CEP131: variants seen among roughly 807,000 people sequenced by gnomAD.
CEP131 encodes the protein centrosomal protein 131, also known as centrosomal protein of 131 kDa.
CEP131 carries 99 observed loss-of-function variants against 136.8 expected under a neutral mutation model. That is an observed-to-expected ratio of 0.72 (90% CI 0.62 to 0.86). The LOEUF (loss-of-function observed/expected upper bound fraction) is 0.86, where lower values mean the gene tolerates loss of function less well. Among genes scored for constraint, CEP131 ranks in the 40% least tolerant of loss-of-function variants. CEP131 has a pLI of 0.00. For missense variants in CEP131, 1,459 were observed against 1,463.0 expected (o/e 1.00, Z 0.04); for synonymous variants, 646 against 612.7 (o/e 1.05, Z -0.80).
intron 19 of CEP131, 62 bp downstream of exon 19, chr17:81,192,674 G>T: frequency 5.3e-6 from 7 of 1,329,036 alleles, no homozygotes; most frequent in East Asian, 4.9e-5. Flanking sequence ...GTGAGGGGGC[G>T]GGGGGGAGGG....
rs62075318 is a variant in CEP131 at position 81,208,978 on chromosome 17, T to C, written c.222A>G (p.Arg74=). ...TGACCTGCGTGGTGCTGTTGGATCT[T>C]CTAAGGTTGTTGATGGCCTGGGAGC... ...PGGSQAINNL[R]RSNSTTQVSQ... Residue 74 remains arginine (R), a synonymous_variant, in exon 3 of 26, where the codon AGA becomes AGG. Coordinates refer to ENST00000450824, the MANE Select transcript of CEP131 (RefSeq NM_014984.4). This position sits in a 1 kb window ranked among gnomAD's most constrained non-coding sequence, Gnocchi z 5.6. 0.46 allele frequency: 742,739 copies of C among 1,612,972 alleles called. 179,919 individuals carry two copies. Among genetic ancestry groups the C allele is most frequent in the Admixed American group, 0.65 (38,683 of 59,946 alleles).
chr17:81,195,678 C>T (rs1040918495), intron 16 of CEP131, among the ~76,000 whole-genome samples, 157 bp downstream of exon 16: 3 of 152,164 alleles, frequency 2.0e-5, no homozygotes, highest in African/African-American at 2.4e-5. Context: ...CTCGGTGCCA[C>T]GGTGCTCCCC....
intron 11 of CEP131, 128 bp from the exon 12 acceptor site, chr17:81,198,425 G>T: frequency 2.0e-6 from 2 of 1,003,434 alleles, no homozygotes; most frequent in Non-Finnish European, 2.9e-6. Context: ...TCAGCCCCAG[G>T]AAGGTGAGGC....
At chr17:81,193,282 G>A (rs35906052) in intron 18 of CEP131, among the ~76,000 whole-genome samples, 3,768 of 152,318 alleles carry the variant, frequency 0.025, 68 homozygotes, top group Middle Eastern at 0.051. Flanking sequence ...CTCGCGCCAG[G>A]GCCTCGTCCT....
In CEP131 at chr17:81,194,073, C is replaced by A. The variant is rs148653755; in HGVS notation, c.2174G>T (p.Arg725Met). Residue 725 changes from arginine to methionine, a missense_variant, in exon 18 of 26, where the codon AGG (arginine) becomes ATG (methionine). Around this residue, in one of 3 missense-constraint regions of CEP131, gnomAD observed 1,026 missense variants for 964.2 expected, o/e 1.06. Transcript: ENST00000450824. ...CTCCGCCTCGTGCAGGCTCTTGAGC[C>A]TCCGCACTTCCTGCTTGTGCCTTGC... is the stretch of plus-strand genomic sequence containing the variant. ...LIARHKQEVR[R>M]LKSLHEAELL... 1.3e-3 allele frequency: 2,096 copies of A among 1,580,678 alleles called. 6 individuals are homozygous for A. The highest frequency in any genetic ancestry group is 1.4e-3 in the Non-Finnish European group (1,651 of 1,164,196).
intron 3 of CEP131, 37 bp from the exon 4 acceptor site, chr17:81,207,276 C>T (rs1339993721): frequency 1.3e-6 from 2 of 1,599,142 alleles, no homozygotes; most frequent in Non-Finnish European, 1.7e-6. Context: ...AGGAAAGAGT[C>T]ACCAGCCGGG....
intron 2 of CEP131, among the ~76,000 whole-genome samples, chr17:81,218,585 C>T (rs1037167312): frequency 2.6e-5 from 4 of 152,276 alleles, no homozygotes; most frequent in African/African-American, 7.2e-5. Context: ...AGGCGTACCA[C>T]ATCTTTAGAC....
rs1484982041 is a variant in CEP131, at chr17:81,200,396, C to G, written c.839G>C (p.Arg280Pro). Residue 280 changes from arginine (R) to proline (P), a missense_variant, in exon 8 of 26, where the codon CGG (arginine) becomes CCG (proline). This residue lies in a region of CEP131 where 246 missense variants were observed against 318.9 expected (regional missense o/e 0.77). Coordinates refer to ENST00000450824, the MANE Select transcript of CEP131 (RefSeq NM_014984.4). ...QATVTIQRWY[R>P]HQVQRRGAGA... ...TGCTCCGCGCCGCTGCACCTGGTGC[C>G]GGTACCAGCGCTGGATGGTGACAGT... is the stretch of plus-strand genomic sequence containing the variant. 2 of 1,563,236 alleles carry G rather than the reference C, an allele frequency of 1.3e-6. No individual in the cohort carries two copies. Among genetic ancestry groups the G allele is most frequent in the African/African-American group, 1.4e-5 (1 of 73,540 alleles).
chr17:81,195,433 C>T (rs139995130), intron 16 of CEP131, among the ~76,000 whole-genome samples: 15 of 152,346 alleles, frequency 9.8e-5, no homozygotes, highest in South Asian at 2.1e-4. Flanking sequence ...GCTGAGGCCC[C>T]CAGGGAGCTC....
chr17:81,196,184 A>G (rs2061751424), intron 15 of CEP131, among the ~76,000 whole-genome samples: 1 of 152,164 alleles, frequency 6.6e-6, no homozygotes, highest in African/African-American at 2.4e-5. Context: ...CGAATGTCAG[A>G]GAAGCCCCAG....
intron 5 of CEP131, among the ~76,000 whole-genome samples, 168 bp downstream of exon 5, chr17:81,206,576 C>A (rs2062012653): frequency 6.6e-6 from 1 of 152,266 alleles, no homozygotes; most frequent in Non-Finnish European, 1.5e-5. Flanking sequence ...CGCCACCTGG[C>A]AGCCTCCTGC....
chr17:81,198,041 C>A (rs1000534539), intron 12 of CEP131, 74 bp downstream of exon 12: 1 of 1,485,434 alleles, frequency 6.7e-7, no homozygotes. Context: ...TTCCCAACCC[C>A]CACAGCCACC....
chr17:81,218,682 C>T (rs1183205468), intron 2 of CEP131, among the ~76,000 whole-genome samples: 1 of 152,254 alleles, frequency 6.6e-6, no homozygotes, highest in Non-Finnish European at 1.5e-5. Context: ...GTCCAAGGGT[C>T]CGCTACTGGC....
Position 81,190,808 on chromosome 17 carries a change from T to G in CEP131, c.2944-6A>C. 1.2e-6 allele frequency: 2 copies of G among 1,604,456 alleles called. No individual in the cohort carries two copies. Among genetic ancestry groups the G allele is most frequent in the South Asian group, 2.2e-5 (2 of 90,248 alleles). ...CTAGAAAGCTGCTCGTTCACCTGGG[T>G]GGGCACAGAAGGCAGTGAGCCGGCT... On this transcript the variant is annotated splice_polypyrimidine_tract_variant and splice_region_variant and intron_variant, in intron 23 of 25. Transcript: ENST00000450824.
chr17:81,195,596 G>T (rs926680598), intron 16 of CEP131, among the ~76,000 whole-genome samples: 6 of 152,074 alleles, frequency 3.9e-5, no homozygotes, highest in Admixed American at 3.9e-4. Context: ...GGGACTGTGC[G>T]TCCACATCTG....
intron 1 of CEP131, among the ~76,000 whole-genome samples, chr17:81,221,417 C>A (rs1304808526): frequency 6.6e-6 from 1 of 152,148 alleles, no homozygotes; most frequent in Non-Finnish European, 1.5e-5. Context: ...TGCATGTGCC[C>A]CTGCCAAAAA....
intron 2 of CEP131, among the ~76,000 whole-genome samples, chr17:81,214,897 C>T (rs1314675030): frequency 6.6e-6 from 1 of 151,892 alleles, no homozygotes; most frequent in Non-Finnish European, 1.5e-5. Context: ...CTCAGCCTCC[C>T]GAGTAGCCGC....
intron 15 of CEP131, 46 bp from the exon 16 acceptor site, chr17:81,195,997 C>T (rs1202353540): frequency 2.0e-6 from 3 of 1,514,108 alleles, no homozygotes; most frequent in Non-Finnish European, 2.7e-6. Flanking sequence ...GGCCCCAGCC[C>T]AGCAGGACCC....
In CEP131 at chr17:81,192,531, C is replaced by CG; in HGVS notation, c.2491dup (p.Arg831ProfsTer6). ...CTTCTCAAACTCAGCCCTCAGGGCT[C>CG]GGGTCAGTGCAGAGCTGCTCTCCTC... is the stretch of plus-strand genomic sequence containing the variant. On this transcript the variant is annotated frameshift_variant, in exon 20 of 26. Transcript: ENST00000450824. LOFTEE classifies it high-confidence loss of function. The CG allele has an allele frequency of 6.2e-7, 1 of 1,610,660 alleles. No homozygotes were observed. Among genetic ancestry groups the CG allele is most frequent in the Non-Finnish European group, 8.5e-7 (1 of 1,179,600 alleles).
Sources: gnomAD v4.1 joint callset for allele counts (sites outside exome capture counted in the v4.1 genomes callset) on GRCh38, gnomAD v4.1.1 for gene constraint, gnomAD v4.1.1 regional missense constraint, Gnocchi (gnomAD v3.1) non-coding constraint, MANE v1.5 for transcripts, NCBI Gene and HGNC (gene_info 2026-07-23, HGNC 2026-07-21) for gene names.